The following ACSBG2 variants were observed in gnomAD, a reference collection of about 807,000 sequenced individuals.
ACSBG2 encodes the protein acyl-CoA synthetase bubblegum family member 2.
Under a neutral mutation model 74.7 loss-of-function variants are expected in ACSBG2, and 62 were observed. The observed-to-expected ratio is 0.83, with a 90% CI of 0.68 to 1.03. The LOEUF (loss-of-function observed/expected upper bound fraction) is 1.03, where lower values mean the gene tolerates loss of function less well. Ranked by LOEUF, ACSBG2 falls within the 50% of genes least tolerant of loss-of-function variation. The probability of loss-of-function intolerance (pLI) is 0.00; values close to 1 mark genes in which losing one functional copy is unlikely to be tolerated. For missense variants in ACSBG2, 730 were observed against 817.6 expected (o/e 0.89, Z 1.31); for synonymous variants, 309 against 294.1 (o/e 1.05, Z -0.52).
chr19:6,187,198 T>C (rs2090432226), intron 11 of ACSBG2, 85 bp from the exon 12 acceptor site: 1 of 1,572,806 alleles, frequency 6.4e-7, no homozygotes, highest in Non-Finnish European at 8.7e-7. Context: ...AGAGACGGGG[T>C]TTCACCATGT....
chr19:6,169,309 A>G (rs955761235), intron 7 of ACSBG2, among the ~76,000 whole-genome samples: 1 of 152,200 alleles, frequency 6.6e-6, no homozygotes, highest in Non-Finnish European at 1.5e-5. Flanking sequence ...TCTTCTGCAC[A>G]TGGCTAGCCA....
At chr19:6,156,613 G>T in intron 5 of ACSBG2, 62 bp downstream of exon 5, 1 of 1,443,354 alleles carries the variant, frequency 6.9e-7, no homozygotes, top group Non-Finnish European at 9.1e-7. Flanking sequence ...GCTCTGGGCA[G>T]GTGTTCTTTT....
rs914994621 is a variant in ACSBG2, at chr19:6,139,092, A to T, written c.-31-2421A>T. ...TTTACTTATTTTTAAAATTAAACTT[A>T]TTTTTTTTTTTTTGAGATACAGTTT... On this transcript the variant is annotated intron_variant, in intron 1 of 14. Transcript: ENST00000588485. Among the ~76,000 whole-genome samples, 41 of 145,168 alleles carry T rather than the reference A, an allele frequency of 2.8e-4. 1 individual carries two copies. The highest frequency in any genetic ancestry group is 6.6e-4 in the South Asian group (3 of 4,552).
At position 6,181,151 on chromosome 19, in the gene ACSBG2, G is replaced by A. The variant is rs957175362; in HGVS notation, c.907-1600G>A. 1.0e-4 allele frequency among the ~76,000 whole-genome samples: 15 copies of A among 149,582 alleles called. 1 individual carries two copies. Among genetic ancestry groups the A allele is most frequent in the African/African-American group, 3.7e-4 (15 of 40,454 alleles). ...AGACAGGAGAATAGCTCAAACCTGG[G>A]AGGCAAAGGCTGCAGTGAGCCGAGA... is the stretch of plus-strand genomic sequence containing the variant. On this transcript the variant is annotated intron_variant, in intron 8 of 14. Coordinates refer to ENST00000588485, the MANE Select transcript of ACSBG2 (RefSeq NM_030924.5).
intron 5 of ACSBG2, among the ~76,000 whole-genome samples, chr19:6,157,289 T>A (rs904576000): frequency 6.6e-6 from 1 of 151,856 alleles, no homozygotes; most frequent in African/African-American, 2.4e-5. Context: ...GGTGTGGTGG[T>A]TCATGCTTGT....
At chr19:6,173,183 G>A (rs1206107373) in intron 7 of ACSBG2, among the ~76,000 whole-genome samples, 4 of 152,170 alleles carry the variant, frequency 2.6e-5, no homozygotes, top group African/African-American at 9.7e-5. Flanking sequence ...TAGATCTTCA[G>A]GGATCCTGCG....
At chr19:6,141,739 AC>A in intron 2 of ACSBG2, 129 bp downstream of exon 2, 2 of 620,134 alleles carry the variant, frequency 3.2e-6, no homozygotes, top group Non-Finnish European at 2.8e-6. Flanking sequence ...CCGACCCCCC[AC>A]CCTTTTGTTT....
rs2145031654 is a variant in ACSBG2, at chr19:6,147,492, G to A, written c.114G>A (p.Leu38=). ...WTTCRDGEVL[L]RLSKHGPGHE... is the part of the protein sequence containing the mutation. ...CCTGTCGAGATGGAGAAGTCCTTCTGAGGCTATCCAAACACGGACCAGGCC... is the reference window on the plus strand; with the variant it reads ...CCTGTCGAGATGGAGAAGTCCTTCTAAGGCTATCCAAACACGGACCAGGCC... The change falls in exon 3 of 15, where the codon CTG becomes CTA. Residue 38 remains leucine, a synonymous_variant. Transcript: ENST00000588485. The A allele has an allele frequency of 6.2e-7, 1 of 1,614,172 alleles. No homozygotes were observed. The highest frequency in any genetic ancestry group is 2.2e-5 in the East Asian group (1 of 44,892).
intron 14 of ACSBG2, chr19:6,190,927 G>A (rs1201404272): frequency 3.2e-6 from 1 of 315,766 alleles, no homozygotes; most frequent in African/African-American, 2.1e-5. Context: ...ATGGTAGGGT[G>A]TGTAAACTCC....
In ACSBG2 at chr19:6,190,565, A is replaced by C; in HGVS notation, c.1928-19A>C. 1 of 1,609,740 alleles carries C rather than the reference A, an allele frequency of 6.2e-7. No homozygotes were observed. The highest frequency in any genetic ancestry group is 1.1e-5 in the South Asian group (1 of 90,970). ...TTCTTTTATCTCCACAACTCAATTG[A>C]TTTCTCCTTTCTCGATAGGTCCAAT... On this transcript the variant is annotated intron_variant, in intron 13 of 14. Transcript: ENST00000588485.
chr19:6,188,428 C>T (rs1304945254), intron 13 of ACSBG2, among the ~76,000 whole-genome samples: 1 of 152,076 alleles, frequency 6.6e-6, no homozygotes, highest in Non-Finnish European at 1.5e-5. Context: ...ACTGCTTGAG[C>T]CCAGGAGTTT....
At chr19:6,147,329 G>A (rs1029098059) in intron 2 of ACSBG2, 117 bp from the exon 3 acceptor site, 15 of 744,286 alleles carry the variant, frequency 2.0e-5, no homozygotes, top group Admixed American at 7.4e-5. Context: ...CTTCACCCTA[G>A]AAGGGGATTA....
intron 7 of ACSBG2, among the ~76,000 whole-genome samples, chr19:6,166,610 G>A (rs1256248825): frequency 7.2e-5 from 11 of 151,894 alleles, no homozygotes; most frequent in East Asian, 3.9e-4. Flanking sequence ...ACCACGCCCA[G>A]CCTACTTTAT....
At position 6,192,990 on chromosome 19, in the gene ACSBG2, G is replaced by A. The variant is rs943370777; in HGVS notation, c.*358G>A. On this transcript the variant is annotated 3_prime_UTR_variant, in exon 15 of 15. Transcript: ENST00000588485. The stretch of plus-strand genomic sequence containing the variant: ...GGGACTCAGACATTAGAAAGAAAAA[G>A]CCTCACAGATTTGAAGAACTGGACC... 2.6e-5 allele frequency: 4 copies of A among 152,128 alleles called. No individual in the cohort carries two copies. Among genetic ancestry groups the A allele is most frequent in the Non-Finnish European group, 5.9e-5 (4 of 68,028 alleles). 9.4% of individuals were successfully genotyped at this position (152,128 alleles called of 1,614,324 possible). A position where few individuals can be genotyped will look rare whatever the true frequency, so the allele number is the denominator to read the frequency against.
At chr19:6,184,846 A>C (rs1259406283) in intron 10 of ACSBG2, among the ~76,000 whole-genome samples, 3 of 123,808 alleles carry the variant, frequency 2.4e-5, no homozygotes, top group South Asian at 2.4e-4. Context: ...AAAAAAAAAA[A>C]AAAAAAAAAA....
At chr19:6,178,480 C>G (rs1210362579) in intron 8 of ACSBG2, among the ~76,000 whole-genome samples, 2 of 152,096 alleles carry the variant, frequency 1.3e-5, no homozygotes, top group African/African-American at 2.4e-5. Context: ...CTTCCGGGTT[C>G]AAGCAATTCT....
At position 6,166,636 on chromosome 19, in the gene ACSBG2, GTGTTT is replaced by G. The variant is rs771454490; in HGVS notation, c.738+634_738+638del. ...CCTACTTTATTTTTCAGTTGTGTGT[GTGTTT>G]TGTTTTGTTTTGCTTTTTGAGACCG... On this transcript the variant is annotated intron_variant, in intron 7 of 14. Coordinates refer to ENST00000588485, the MANE Select transcript of ACSBG2 (RefSeq NM_030924.5). Among the ~76,000 whole-genome samples the G allele has an allele frequency of 1.1e-4, 16 of 151,686 alleles. 1 individual carries two copies. The South Asian group carries it at 3.1e-3, about 30-fold the overall frequency.
rs1376733538 is a variant in ACSBG2, at chr19:6,161,199, G to A, written c.508-16G>A. On this transcript the variant is annotated splice_polypyrimidine_tract_variant and intron_variant, in intron 5 of 14. Transcript: ENST00000588485. ...GGGCTGGGTTGCCATGAAGCCCACA[G>A]GGAACTTTCTTTCAGATTCCACAGA... 6.2e-7 allele frequency: 1 copy of A among 1,611,672 alleles called. No individual in the cohort carries two copies. The highest frequency in any genetic ancestry group is 8.5e-7 in the Non-Finnish European group (1 of 1,178,222).
At chr19:6,181,106 C>T (rs146448290) in intron 8 of ACSBG2, among the ~76,000 whole-genome samples, 2,023 of 148,830 alleles carry the variant, frequency 0.014, 35 homozygotes, top group African/African-American at 0.047. Context: ...CACCTGTAAG[C>T]CCAGCTACTC....
Sources: gnomAD v4.1 joint callset for allele counts (sites outside exome capture counted in the v4.1 genomes callset) on GRCh38, gnomAD v4.1.1 for gene constraint, MANE v1.5 for transcripts, NCBI Gene and HGNC (gene_info 2026-07-23, HGNC 2026-07-21) for gene names.